FNDC3B: variants seen among roughly 807,000 people sequenced by gnomAD.
The protein encoded by FNDC3B is fibronectin type III domain-containing protein 3B.
Under a neutral mutation model 151.5 loss-of-function variants are expected in FNDC3B, and 12 were observed. The observed-to-expected ratio is 0.08, with a 90% confidence interval of 0.05 to 0.13. FNDC3B has a LOEUF of 0.13. Among genes scored for constraint, FNDC3B ranks in the 10% least tolerant of loss-of-function variants. The probability of loss-of-function intolerance (pLI) is 1.00; values close to 1 mark genes in which losing one functional copy is unlikely to be tolerated. For missense variants in FNDC3B, 1,214 were observed against 1,505.3 expected (o/e 0.81, Z 3.20); for synonymous variants, 528 against 549.0 (o/e 0.96, Z 0.54).
At chr3:172,125,772 G>A (rs950482625) in intron 2 of FNDC3B, among the ~76,000 whole-genome samples, 1 of 152,098 alleles carries the variant, frequency 6.6e-6, no homozygotes, top group African/African-American at 2.4e-5. Flanking sequence ...TAAATCTCTC[G>A]CTTCTACTTT....
intron 1 of FNDC3B, among the ~76,000 whole-genome samples, chr3:172,072,944 T>G (rs1195763851): frequency 6.6e-6 from 1 of 152,118 alleles, no homozygotes; most frequent in Non-Finnish European, 1.5e-5. Flanking sequence ...TTATTTTAAT[T>G]TTTTCTTTGT....
At chr3:172,096,071 TTC>T (rs1440529633) in intron 1 of FNDC3B, among the ~76,000 whole-genome samples, 2 of 152,250 alleles carry the variant, frequency 1.3e-5, no homozygotes, top group African/African-American at 4.8e-5. Flanking sequence ...GCCAGTTTGG[TTC>T]TCTGTGAATT....
chr3:172,291,867 A>G (rs11923776), intron 7 of FNDC3B, among the ~76,000 whole-genome samples: 40,541 of 152,036 alleles, frequency 0.27, 5,459 homozygotes, highest in East Asian at 0.35. Flanking sequence ...GCACAGGCAG[A>G]CTTGCAATGT....
At chr3:172,216,650 A>G (rs7620568) in intron 3 of FNDC3B, among the ~76,000 whole-genome samples, 133,507 of 151,860 alleles carry the variant, frequency 0.88, 58,971 homozygotes, top group African/African-American at 0.94. Flanking sequence ...TGCAGCCTGG[A>G]TGGCAGAGCG....
chr3:172,197,204 G>A (rs1382778725), intron 3 of FNDC3B, among the ~76,000 whole-genome samples: 3 of 151,780 alleles, frequency 2.0e-5, no homozygotes, highest in Admixed American at 6.6e-5. Flanking sequence ...ATAAAATAAA[G>A]TAAAATAAAA....
intron 3 of FNDC3B, among the ~76,000 whole-genome samples, chr3:172,140,796 G>C (rs1721589524): frequency 6.6e-6 from 1 of 152,098 alleles, no homozygotes; most frequent in African/African-American, 2.4e-5. Flanking sequence ...AGGTACTCAG[G>C]GTATATGCTG....
At chr3:172,167,564 T>C (rs2108628639) in intron 3 of FNDC3B, among the ~76,000 whole-genome samples, 1 of 152,308 alleles carries the variant, frequency 6.6e-6, no homozygotes, top group Admixed American at 6.5e-5. Context: ...TGCATGTAGT[T>C]TTTATGCTTT....
intron 1 of FNDC3B, among the ~76,000 whole-genome samples, chr3:172,103,951 C>T (rs1186531534): frequency 6.6e-6 from 1 of 152,122 alleles, no homozygotes; most frequent in Non-Finnish European, 1.5e-5. Context: ...TCCTTCTTTC[C>T]TTCAAGTGGC....
chr3:172,073,222 G>A (rs2088946554), intron 1 of FNDC3B, among the ~76,000 whole-genome samples: 1 of 152,184 alleles, frequency 6.6e-6, no homozygotes, highest in African/African-American at 2.4e-5. Flanking sequence ...TAAACACTGG[G>A]CCTGGAACTC....
intron 2 of FNDC3B, among the ~76,000 whole-genome samples, chr3:172,120,723 C>T (rs1312565771): frequency 1.3e-5 from 2 of 152,142 alleles, no homozygotes; most frequent in African/African-American, 4.8e-5. Context: ...CCTGTAATCC[C>T]AGCACTTTTG....
intron 25 of FNDC3B, among the ~76,000 whole-genome samples, chr3:172,390,947 G>A (rs530587079): frequency 1.3e-5 from 2 of 152,132 alleles, no homozygotes; most frequent in Admixed American, 6.6e-5. Context: ...AGTTAGCAGC[G>A]AGCTATGGGA....
At chr3:172,385,715 C>A (rs1488234543) in intron 25 of FNDC3B, among the ~76,000 whole-genome samples, 1 of 152,044 alleles carries the variant, frequency 6.6e-6, no homozygotes. Context: ...CCCGCCACCA[C>A]ACCTGGCTAA....
chr3:172,210,551 CT>C (rs202179101), intron 3 of FNDC3B, among the ~76,000 whole-genome samples: 4 of 150,922 alleles, frequency 2.7e-5, no homozygotes, highest in Non-Finnish European at 3.0e-5. Context: ...AATCTCACTT[CT>C]TTTTTTTTGC....
intron 7 of FNDC3B, among the ~76,000 whole-genome samples, chr3:172,286,499 C>T (rs1730024962): frequency 6.6e-6 from 1 of 152,134 alleles, no homozygotes; most frequent in Non-Finnish European, 1.5e-5. Flanking sequence ...GTGAAAAACT[C>T]AGAATGTTGA....
At chr3:172,287,884 A>T (rs758164872) in intron 7 of FNDC3B, among the ~76,000 whole-genome samples, 5 of 152,240 alleles carry the variant, frequency 3.3e-5, no homozygotes, top group Non-Finnish European at 7.3e-5. Context: ...GTTGTAAAAT[A>T]TAATAGGGTA....
At chr3:172,270,260 T>C (rs1729133877) in intron 6 of FNDC3B, among the ~76,000 whole-genome samples, 1 of 152,254 alleles carries the variant, frequency 6.6e-6, no homozygotes, top group African/African-American at 2.4e-5. Flanking sequence ...CTGCTTTAGC[T>C]GTTGTTCCCT....
At chr3:172,370,137 G>T (rs1166491699) in intron 23 of FNDC3B, among the ~76,000 whole-genome samples, 3 of 151,984 alleles carry the variant, frequency 2.0e-5, no homozygotes, top group Non-Finnish European at 4.4e-5. Flanking sequence ...TGAGCCTGTA[G>T]TTGGCCTAGG....
chr3:172,104,314 T>G (rs553503771), intron 1 of FNDC3B, among the ~76,000 whole-genome samples: 59 of 152,156 alleles, frequency 3.9e-4, no homozygotes, highest in African/African-American at 1.4e-3. Flanking sequence ...AATTAATTAC[T>G]GAAGTTCAGA....
chr3:172,338,820 T>C (rs1733126978), intron 16 of FNDC3B, among the ~76,000 whole-genome samples: 1 of 152,182 alleles, frequency 6.6e-6, no homozygotes, highest in Non-Finnish European at 1.5e-5. Flanking sequence ...CACTGCAAGC[T>C]CCGCCTCCTG....
Sources: gnomAD v4.1 joint callset for allele counts (sites outside exome capture counted in the v4.1 genomes callset) on GRCh38, gnomAD v4.1.1 for gene constraint, MANE v1.5 for transcripts, NCBI Gene and HGNC (gene_info 2026-07-23, HGNC 2026-07-21) for gene names.